The following DNAH6 variants were observed in gnomAD, a reference collection of about 807,000 sequenced individuals.
DNAH6 encodes dynein axonemal heavy chain 6, also known as axonemal beta dynein heavy chain 6.
Under a neutral mutation model 491.4 loss-of-function variants are expected in DNAH6, and 340 were observed. That is an observed-to-expected ratio of 0.69 (90% CI 0.63 to 0.76). The LOEUF (loss-of-function observed/expected upper bound fraction) is 0.76. DNAH6 is among the 30% of genes least tolerant of loss of function. The pLI is 0.00. For synonymous variants in DNAH6, 1,603 were observed against 1,686.1 expected, an observed-to-expected ratio of 0.95 and a Z score of 1.21; for missense variants, 4,443 against 4,972.2, an observed-to-expected ratio of 0.89 and a Z score of 3.20.
chr2:84,775,507 G>A (rs1251335686), intron 64 of DNAH6, among the ~76,000 whole-genome samples: 1 of 152,142 alleles, frequency 6.6e-6, no homozygotes, highest in East Asian at 1.9e-4. Context: ...TTGGTATCAG[G>A]ATGATGCTGA....
At chr2:84,655,836 G>A (rs1458593696) in intron 35 of DNAH6, among the ~76,000 whole-genome samples, 1 of 152,036 alleles carries the variant, frequency 6.6e-6, no homozygotes, top group Non-Finnish European at 1.5e-5. Flanking sequence ...TTACATTAGA[G>A]TTCACTCTTT....
intron 22 of DNAH6, among the ~76,000 whole-genome samples, chr2:84,616,673 A>C (rs557832997): frequency 3.9e-5 from 6 of 152,128 alleles, no homozygotes; most frequent in Non-Finnish European, 8.8e-5. Context: ...TTTTGCTGAT[A>C]ATGTGATTGT....
intron 29 of DNAH6, among the ~76,000 whole-genome samples, chr2:84,625,497 T>C (rs952663977): frequency 6.6e-6 from 1 of 152,186 alleles, no homozygotes; most frequent in African/African-American, 2.4e-5. Context: ...AACTTTTTGG[T>C]CATGGGACCC....
intron 72 of DNAH6, among the ~76,000 whole-genome samples, chr2:84,809,078 G>C (rs1045213558): frequency 6.6e-6 from 1 of 152,186 alleles, no homozygotes; most frequent in African/African-American, 2.4e-5. Context: ...TAATTTTAAT[G>C]TCACTAAAAT....
chr2:84,515,520 A>G (rs1396766715), upstream of DNAH6, among the ~76,000 whole-genome samples: 1 of 152,362 alleles, frequency 6.6e-6, no homozygotes, highest in East Asian at 1.9e-4. Flanking sequence ...ATATGTTAAG[A>G]TTGAGAAGAT....
chr2:84,710,068 ACT>A (rs1696884499), intron 55 of DNAH6, among the ~76,000 whole-genome samples: 1 of 152,104 alleles, frequency 6.6e-6, no homozygotes, highest in African/African-American at 2.4e-5. Flanking sequence ...TTCCCAGATG[ACT>A]CTTTCTTTAT....
chr2:84,670,535 T>G (rs143008082), intron 39 of DNAH6, 60 bp downstream of exon 39: 1 of 1,123,154 alleles, frequency 8.9e-7, no homozygotes, highest in Non-Finnish European at 1.3e-6. Flanking sequence ...ATAAATGACA[T>G]AAATAGTGCA....
At position 84,529,028 on chromosome 2, in the gene DNAH6, GAGA is replaced by G. The variant is rs1676895430; in HGVS notation, c.530_532del (p.Glu177del). ...TACCCTAAGTACACTTTTCACGACC[GAGA>G]AGAAGTTGTTAAAGCCAACATTCGT... is the stretch of plus-strand genomic sequence containing the variant. On this transcript the variant is annotated inframe_deletion, in exon 4 of 77. Coordinates refer to ENST00000389394, the MANE Select transcript of DNAH6 (RefSeq NM_001370.2). 3 of 1,551,190 alleles carry G rather than the reference GAGA, an allele frequency of 1.9e-6. No individual in the cohort carries two copies. Among genetic ancestry groups the G allele is most frequent in the Non-Finnish European group, 2.6e-6 (3 of 1,146,772 alleles).
At chr2:84,690,163 G>T (rs1553467564) in intron 45 of DNAH6, among the ~76,000 whole-genome samples, 1 of 152,118 alleles carries the variant, frequency 6.6e-6, no homozygotes, top group Non-Finnish European at 1.5e-5. Flanking sequence ...CATGGCTTTG[G>T]TTTTTTTCCT....
Position 84,784,748 on chromosome 2 carries a change from CT to C in DNAH6, c.10898del (p.Leu3633Ter), listed in dbSNP as rs1677016980. On this transcript the variant is annotated frameshift_variant, in exon 66 of 77. Coordinates refer to ENST00000389394, the MANE Select transcript of DNAH6 (RefSeq NM_001370.2). LOFTEE classifies it high-confidence loss of function. ...PDSAIKDTFR[L>X]FLSSMPSNTF... ...TAGTGCTATCAAGGACACTTTTCGA[CT>C]TTTTTTAAGCTCCATGCCTAGTAAT... is the stretch of plus-strand genomic sequence containing the variant. 1.3e-6 allele frequency: 2 copies of C among 1,550,630 alleles called. No homozygotes were observed. Among genetic ancestry groups the C allele is most frequent in the East Asian group, 4.9e-5 (2 of 40,892 alleles).
intron 11 of DNAH6, among the ~76,000 whole-genome samples, chr2:84,561,028 T>A (rs973161620): frequency 5.9e-5 from 9 of 151,764 alleles, no homozygotes; most frequent in African/African-American, 2.2e-4. Flanking sequence ...CCCTGAGGAA[T>A]CGCCACACTG....
intron 8 of DNAH6, among the ~76,000 whole-genome samples, chr2:84,548,804 G>A (rs1435646921): frequency 6.6e-6 from 1 of 152,224 alleles, no homozygotes; most frequent in African/African-American, 2.4e-5. Context: ...CCAAGGCCAA[G>A]AGCTCCTCTT....
intron 11 of DNAH6, among the ~76,000 whole-genome samples, chr2:84,560,393 A>G (rs1418580440): frequency 6.6e-6 from 1 of 152,034 alleles, no homozygotes; most frequent in African/African-American, 2.4e-5. Context: ...CAAGAATTTT[A>G]TCTAGCCAAC....
intron 58 of DNAH6, 123 bp downstream of exon 58, chr2:84,715,750 CA>C (rs1004621352): frequency 2.8e-3 from 2,393 of 855,578 alleles, no homozygotes; most frequent in South Asian, 4.1e-3. Context: ...AACCCTTAAT[CA>C]AAAAAAAATA....
intron 16 of DNAH6, among the ~76,000 whole-genome samples, chr2:84,592,419 G>C (rs544521080): frequency 1.3e-5 from 2 of 152,222 alleles, no homozygotes; most frequent in South Asian, 4.1e-4. Flanking sequence ...TGTTAGAATG[G>C]CCATTACAAA....
rs2276609 is a variant in DNAH6 at position 84,813,281 on chromosome 2, A to G, written c.11998+151A>G. 0.051 allele frequency among the ~76,000 whole-genome samples: 7,764 copies of G among 152,254 alleles called. 228 individuals carry two copies. The highest frequency in any genetic ancestry group is 0.082 in the Middle Eastern group (24 of 294). On this transcript the variant is annotated intron_variant, in intron 74 of 76. Coordinates refer to ENST00000389394, the MANE Select transcript of DNAH6 (RefSeq NM_001370.2). ...ATCTAACAAGGTCGTGCTCTTCCTC[A>G]CTTGTGGGGGGCAGAGGAAAGATGG...
chr2:84,817,325 G>A (rs1680588277), intron 76 of DNAH6, among the ~76,000 whole-genome samples: 1 of 152,184 alleles, frequency 6.6e-6, no homozygotes, highest in Non-Finnish European at 1.5e-5. Flanking sequence ...AGATAATGGA[G>A]AATCACCTTC....
chr2:84,551,459 G>A (rs953030159), intron 9 of DNAH6, among the ~76,000 whole-genome samples: 1 of 152,094 alleles, frequency 6.6e-6, no homozygotes, highest in African/African-American at 2.4e-5. Context: ...TAGCAATACA[G>A]TATTATGAAA....
chr2:84,530,509 A>G (rs1044231755), intron 4 of DNAH6, among the ~76,000 whole-genome samples: 44 of 152,286 alleles, frequency 2.9e-4, no homozygotes, highest in African/African-American at 9.9e-4. Context: ...GATAAAGGAT[A>G]TATCGTGCAA....
Sources: gnomAD v4.1 joint callset for allele counts (sites outside exome capture counted in the v4.1 genomes callset) on GRCh38, gnomAD v4.1.1 for gene constraint, MANE v1.5 for transcripts, NCBI Gene and HGNC (gene_info 2026-07-23, HGNC 2026-07-21) for gene names.